ENTPD7: variants seen among roughly 807,000 people sequenced by gnomAD.
ENTPD7 encodes the protein NTPDase 7.
In ENTPD7, 53 loss-of-function variants were observed where a neutral mutation model predicts 77.9. The observed-to-expected ratio is 0.68, with a 90% CI of 0.55 to 0.85. The LOEUF (loss-of-function observed/expected upper bound fraction) is 0.85. Ranked by LOEUF, ENTPD7 falls within the 40% of genes least tolerant of loss-of-function variation. The pLI is 0.00. For synonymous variants in ENTPD7, 248 were observed against 274.9 expected, an observed-to-expected ratio of 0.90 and a Z score of 0.97; for missense variants, 636 against 743.7, an observed-to-expected ratio of 0.86 and a Z score of 1.68.
chr10:99,694,432 A>G (rs1010925622), intron 8 of ENTPD7, among the ~76,000 whole-genome samples: 1 of 151,624 alleles, frequency 6.6e-6, no homozygotes, highest in African/African-American at 2.4e-5. Context: ...TTGTTTATCC[A>G]TTTATCAGCT....
At chr10:99,677,901 T>C (rs1296041306) in intron 3 of ENTPD7, among the ~76,000 whole-genome samples, 1 of 152,136 alleles carries the variant, frequency 6.6e-6, no homozygotes, top group East Asian at 1.9e-4. Flanking sequence ...TCACACAGCA[T>C]AGAAAGCAAT....
intron 3 of ENTPD7, among the ~76,000 whole-genome samples, chr10:99,666,872 C>T (rs1268987680): frequency 6.6e-6 from 1 of 152,160 alleles, no homozygotes; most frequent in African/African-American, 2.4e-5. Flanking sequence ...ATACTTTCTA[C>T]TGAATGTGCA....
At chr10:99,675,307 G>T (rs1289491562) in intron 3 of ENTPD7, among the ~76,000 whole-genome samples, 1 of 151,880 alleles carries the variant, frequency 6.6e-6, no homozygotes, top group Non-Finnish European at 1.5e-5. Flanking sequence ...AGTAAGATTG[G>T]TAGTGATATT....
chr10:99,698,481 T>G, intron 9 of ENTPD7, 53 bp from the exon 10 acceptor site: 1 of 1,543,210 alleles, frequency 6.5e-7, no homozygotes. Context: ...TAGACTAGGT[T>G]GAATACAGGC....
chr10:99,676,976 T>C (rs771789676), intron 3 of ENTPD7, among the ~76,000 whole-genome samples: 13 of 152,230 alleles, frequency 8.5e-5, no homozygotes, highest in Non-Finnish European at 1.5e-4. Flanking sequence ...GTACTCTACT[T>C]TTTTATTTCA....
intron 9 of ENTPD7, 54 bp from the exon 10 acceptor site, chr10:99,698,480 T>C (rs970465929): frequency 8.4e-6 from 13 of 1,540,592 alleles, no homozygotes; most frequent in Admixed American, 3.6e-5. Flanking sequence ...TTAGACTAGG[T>C]TGAATACAGG....
At chr10:99,696,208 G>A in intron 9 of ENTPD7, 86 bp downstream of exon 9, 18 of 1,479,432 alleles carry the variant, frequency 1.2e-5, no homozygotes, top group Non-Finnish European at 1.6e-5. Flanking sequence ...TCCTAAGACA[G>A]ATAAGTCCCT....
chr10:99,660,025 G>T, intron 2 of ENTPD7, 61 bp downstream of exon 2: 1 of 1,612,776 alleles, frequency 6.2e-7, no homozygotes, highest in Non-Finnish European at 8.5e-7. Flanking sequence ...GCAGGTTGGG[G>T]GGCCCTGGGA....
chr10:99,660,492 A>T, intron 2 of ENTPD7: 1 of 543,244 alleles, frequency 1.8e-6, no homozygotes, highest in Non-Finnish European at 3.2e-6. Flanking sequence ...GGTATGGTGG[A>T]CTACCATTTG....
At position 99,708,404 on chromosome 10, in the gene ENTPD7, A is replaced by AG. The variant is rs2133542606; in HGVS notation, c.*3724dup. 6.6e-6 allele frequency among the ~76,000 whole-genome samples: 1 copy of AG among 152,292 alleles called. No individual in the cohort carries two copies. The highest frequency in any genetic ancestry group is 1.9e-4 in the East Asian group (1 of 5,192). On this transcript the variant is annotated 3_prime_UTR_variant, in exon 13 of 13. Transcript: ENST00000370489. ...AAAGACAAGTGAGTGGTATCACTTAAGGGAAAGAACAGTAGGCTTAACGAA... is the reference window on the plus strand; with the variant it reads ...AAAGACAAGTGAGTGGTATCACTTAAGGGGAAAGAACAGTAGGCTTAACGAA...
chr10:99,695,822 A>G, intron 8 of ENTPD7, 134 bp from the exon 9 acceptor site: 1 of 766,458 alleles, frequency 1.3e-6, no homozygotes, highest in Non-Finnish European at 2.0e-6. Context: ...AAATAATGCT[A>G]TGAGGATGAA....
chr10:99,668,158 C>T (rs2035574503), intron 3 of ENTPD7, among the ~76,000 whole-genome samples: 1 of 152,052 alleles, frequency 6.6e-6, no homozygotes, highest in African/African-American at 2.4e-5. Flanking sequence ...TGGTCTCAAA[C>T]TCCTGGCCTC....
intron 3 of ENTPD7, 27 bp from the exon 4 acceptor site, chr10:99,679,234 A>T (rs759109405): frequency 2.5e-6 from 4 of 1,612,678 alleles, no homozygotes; most frequent in East Asian, 4.5e-5. Flanking sequence ...ACTGCTTAGC[A>T]CTGATTTCTC....
intron 9 of ENTPD7, 87 bp downstream of exon 9, chr10:99,696,209 A>AT: frequency 2.0e-6 from 3 of 1,476,988 alleles, no homozygotes; most frequent in Non-Finnish European, 2.8e-6. Context: ...CCTAAGACAG[A>AT]TAAGTCCCTG....
chr10:99,707,229 T>A lies in ENTPD7; in HGVS notation c.*2546T>A, dbSNP rs1172102155. Among the ~76,000 whole-genome samples, 1 of 152,218 alleles carries A rather than the reference T, an allele frequency of 6.6e-6. No homozygotes were observed. Among genetic ancestry groups the A allele is most frequent in the East Asian group, 1.9e-4 (1 of 5,202 alleles). On this transcript the variant is annotated 3_prime_UTR_variant, in exon 13 of 13. Transcript: ENST00000370489. ...ATATTATGGTATCTAGGCTTGTCTTTATTACCATGAGCAAGGTCTCCAGGA... is the reference window on the plus strand; with the variant it reads ...ATATTATGGTATCTAGGCTTGTCTTAATTACCATGAGCAAGGTCTCCAGGA...
At chr10:99,670,806 G>A (rs1055021710) in intron 3 of ENTPD7, among the ~76,000 whole-genome samples, 1 of 152,152 alleles carries the variant, frequency 6.6e-6, no homozygotes, top group Non-Finnish European at 1.5e-5. Flanking sequence ...CTTGAGCCCA[G>A]GAGTTCCAGA....
intron 6 of ENTPD7, among the ~76,000 whole-genome samples, chr10:99,687,259 C>CTTTCTTTCTTTTTT: frequency 3.4e-5 from 1 of 29,526 alleles, no homozygotes; most frequent in Non-Finnish European, 5.6e-5. Flanking sequence ...TTCTTTCTTT[C>CTTTCTTTCTTTTTT]TTTTTTTTTT....
chr10:99,677,807 T>C (rs1026498909), intron 3 of ENTPD7, among the ~76,000 whole-genome samples: 4 of 152,206 alleles, frequency 2.6e-5, no homozygotes, highest in African/African-American at 9.7e-5. Context: ...ATGTGTATGA[T>C]CTCTGTGAGT....
At chr10:99,669,789 G>A (rs529934076) in intron 3 of ENTPD7, among the ~76,000 whole-genome samples, 15 of 113,002 alleles carry the variant, frequency 1.3e-4, no homozygotes, top group Admixed American at 4.1e-4. Context: ...TTGCTCTGTC[G>A]TCCAGGCTGG....
Sources: gnomAD v4.1 joint callset for allele counts (sites outside exome capture counted in the v4.1 genomes callset) on GRCh38, gnomAD v4.1.1 for gene constraint, MANE v1.5 for transcripts, NCBI Gene and HGNC (gene_info 2026-07-23, HGNC 2026-07-21) for gene names.